Variants in PLEKHA8 observed in about 807,000 individuals in gnomAD.
PLEKHA8 encodes pleckstrin homology domain-containing family A member 8.
In PLEKHA8, 36 loss-of-function variants were observed where a neutral mutation model predicts 68.2. The ratio of observed to expected loss-of-function variants is 0.53; its 90% CI spans 0.40 to 0.70. The LOEUF (loss-of-function observed/expected upper bound fraction) is 0.70. Ranked by LOEUF, PLEKHA8 falls within the 30% of genes least tolerant of loss-of-function variation. PLEKHA8 has a pLI of 0.00. For synonymous variants in PLEKHA8, 211 were observed against 216.1 expected (o/e 0.98, Z 0.20); for missense variants, 505 against 615.4 (o/e 0.82, Z 1.90).
At chr7:30,049,434 A>T (rs1257703679) in intron 5 of PLEKHA8, 52 bp downstream of exon 5, 1 of 1,592,328 alleles carries the variant, frequency 6.3e-7, no homozygotes, top group Non-Finnish European at 8.6e-7. Context: ...AAAGTTTCAA[A>T]GTTTATAGTG....
chr7:30,028,802 G>C lies in PLEKHA8; in HGVS notation c.40G>C (p.Gly14Arg). Residue 14 changes from glycine (G) to arginine (R), a missense_variant and splice_region_variant, in exon 1 of 14, where the codon GGT (glycine) becomes CGT (arginine). Physicochemically the swap from Gly to Arg is moderately radical, Grantham distance 125 (BLOSUM62 -2). Coordinates refer to ENST00000449726, the MANE Select transcript of PLEKHA8 (RefSeq NM_001197026.2). ...VLYKWTNYLS[G>R]WQPRWFLLCG... The stretch of plus-strand genomic sequence containing the variant: ...GTACAAGTGGACCAACTATCTGAGC[G>C]GTGAGTGGCCGTGCCGGGCCGGGGG... 7.9e-7 allele frequency: 1 copy of C among 1,270,320 alleles called. No homozygotes were observed. The highest frequency in any genetic ancestry group is 1.0e-6 in the Non-Finnish European group (1 of 1,002,348). 78.7% of individuals were successfully genotyped at this position (1,270,320 alleles called of 1,614,324 possible). A position where few individuals can be genotyped will look rare whatever the true frequency, so the allele number is the denominator to read the frequency against.
At chr7:30,065,976 G>A (rs573969892) in intron 12 of PLEKHA8, among the ~76,000 whole-genome samples, 22 of 152,292 alleles carry the variant, frequency 1.4e-4, no homozygotes, top group African/African-American at 4.8e-4. Flanking sequence ...CTGGCAGTCC[G>A]TGTTTTAACA....
At chr7:30,059,330 C>G (rs998458344) in intron 9 of PLEKHA8, among the ~76,000 whole-genome samples, 1 of 152,114 alleles carries the variant, frequency 6.6e-6, no homozygotes, top group Non-Finnish European at 1.5e-5. Context: ...CATGTACATG[C>G]AAATTATGTT....
At chr7:30,122,540 A>G (rs971122069) in intron 13 of PLEKHA8, among the ~76,000 whole-genome samples, 1 of 152,208 alleles carries the variant, frequency 6.6e-6, no homozygotes, top group African/African-American at 2.4e-5. Context: ...TGAAATAAAT[A>G]CCTTTTGCAG....
chr7:30,042,104 CAG>C (rs941477228), intron 1 of PLEKHA8, among the ~76,000 whole-genome samples: 25 of 152,288 alleles, frequency 1.6e-4, no homozygotes, highest in Non-Finnish European at 3.2e-4. Flanking sequence ...GACTGAGTAA[CAG>C]AGAATTCCTC....
chr7:30,082,201 T>A lies in PLEKHA8; in HGVS notation c.*3414T>A, dbSNP rs1183673716. The stretch of plus-strand genomic sequence containing the variant: ...TTGCATGTTATTCTGATTATTAAAC[T>A]TCCCCCAATGTCATATTCCATGATG... On this transcript the variant is annotated 3_prime_UTR_variant, in exon 14 of 14. Transcript: ENST00000449726. 1 of 985,266 alleles carries A rather than the reference T, an allele frequency of 1.0e-6. No homozygotes were observed. The highest frequency in any genetic ancestry group is 1.1e-4 in the East Asian group (1 of 8,834). 61.0% of individuals were successfully genotyped at this position (985,266 alleles called of 1,614,324 possible).
chr7:30,062,656 C>G lies in PLEKHA8; in HGVS notation c.1230-16C>G, dbSNP rs1410605547. 6.3e-7 allele frequency: 1 copy of G among 1,576,590 alleles called. No homozygotes were observed. The highest frequency in any genetic ancestry group is 8.7e-7 in the Non-Finnish European group (1 of 1,146,562). ...TGAACTTTGAAAATAATATTTCTTCCTTTATTTTGTTTTAGAGGTCTCAAA... is the reference window on the plus strand; with the variant it reads ...TGAACTTTGAAAATAATATTTCTTCGTTTATTTTGTTTTAGAGGTCTCAAA... On this transcript the variant is annotated splice_polypyrimidine_tract_variant and intron_variant, in intron 11 of 13. Coordinates refer to ENST00000449726, the MANE Select transcript of PLEKHA8 (RefSeq NM_001197026.2).
intron 13 of PLEKHA8, among the ~76,000 whole-genome samples, chr7:30,111,222 G>C (rs1221106069): frequency 6.6e-6 from 1 of 151,886 alleles, no homozygotes; most frequent in East Asian, 1.9e-4. Flanking sequence ...AGTTTTAAGA[G>C]TTCTTTATAT....
At chr7:30,116,241 T>C (rs965111599) in intron 13 of PLEKHA8, among the ~76,000 whole-genome samples, 3 of 141,254 alleles carry the variant, frequency 2.1e-5, no homozygotes, top group Non-Finnish European at 4.4e-5. Context: ...CATGTATGCG[T>C]ATACATGTAC....
downstream of PLEKHA8, among the ~76,000 whole-genome samples, chr7:30,085,332 T>A (rs370012427): frequency 1.3e-4 from 20 of 152,304 alleles, no homozygotes; most frequent in East Asian, 1.4e-3. Context: ...GCCCTGGGTG[T>A]TTTAAGCATT....
downstream of PLEKHA8, chr7:30,130,124 G>A (rs1796849006): frequency 1.3e-5 from 2 of 152,236 alleles, no homozygotes; most frequent in African/African-American, 4.8e-5. Context: ...CTTCGTAGGA[G>A]ATCTGGTGTA....
chr7:30,116,991 T>G lies in PLEKHA8; in HGVS notation c.1363-12275T>G, dbSNP rs140066833. On this transcript the variant is annotated intron_variant, in intron 13 of 13. Transcript: ENST00000396257. Reference sequence around the variant, plus strand: ...TTGGCTTCAGGAGAGTGGGTGTGTGTTTCACTTGGTCTTGCAAATGTAGGT... The same window carrying G: ...TTGGCTTCAGGAGAGTGGGTGTGTGGTTCACTTGGTCTTGCAAATGTAGGT... Among the ~76,000 whole-genome samples, 75 of 152,320 alleles carry G rather than the reference T, an allele frequency of 4.9e-4. 1 individual carries two copies. Among genetic ancestry groups the G allele is most frequent in the Middle Eastern group, 3.4e-3 (1 of 292 alleles).
chr7:30,062,832 G>T, intron 12 of PLEKHA8, 90 bp downstream of exon 12: 1 of 915,324 alleles, frequency 1.1e-6, no homozygotes, highest in Non-Finnish European at 1.6e-6. Context: ...GGATATTTCT[G>T]CTTTTCAGAA....
intron 13 of PLEKHA8, among the ~76,000 whole-genome samples, chr7:30,103,710 C>T (rs1418776092): frequency 6.6e-6 from 1 of 152,222 alleles, no homozygotes; most frequent in Non-Finnish European, 1.5e-5. Context: ...AACTGCTTAT[C>T]TCTATGGAAA....
rs1790389725 is a variant in PLEKHA8, at chr7:30,028,614, C to CGGGCCGGGCGTCCCCACACCG, written c.-146_-126dup. ...CCGCCCCCGGGCCGAGGATGTGAGG[C>CGGGCCGGGCGTCCCCACACCG]GGGCCGGGCGTCCCCACACCGGGCC... On this transcript the variant is annotated 5_prime_UTR_variant, in exon 1 of 14. Coordinates refer to ENST00000449726, the MANE Select transcript of PLEKHA8 (RefSeq NM_001197026.2). The CGGGCCGGGCGTCCCCACACCG allele has an allele frequency of 2.0e-6, 1 of 493,454 alleles. No individual in the cohort carries two copies. Among genetic ancestry groups the CGGGCCGGGCGTCCCCACACCG allele is most frequent in the African/African-American group, 2.0e-5 (1 of 49,982 alleles). The allele number at this position is 493,454 out of a possible 1,614,324, so 30.6% of individuals were successfully genotyped here. A position where few individuals can be genotyped will look rare whatever the true frequency, so the allele number is the denominator to read the frequency against.
chr7:30,089,624 A>T (rs1375434406), downstream of PLEKHA8, among the ~76,000 whole-genome samples: 2 of 152,210 alleles, frequency 1.3e-5, no homozygotes, highest in African/African-American at 4.8e-5. Flanking sequence ...AAATGTAAGG[A>T]AGATGGCCTG....
At chr7:30,058,471 C>CATTTT (rs1562872519) in intron 9 of PLEKHA8, among the ~76,000 whole-genome samples, 1 of 125,250 alleles carries the variant, frequency 8.0e-6, no homozygotes, top group African/African-American at 2.9e-5. Context: ...AGTTGAGGTT[C>CATTTT]TTTTTTTTTT....
At chr7:30,124,996 T>C (rs1307881629) in intron 13 of PLEKHA8, among the ~76,000 whole-genome samples, 1 of 152,134 alleles carries the variant, frequency 6.6e-6, no homozygotes, top group African/African-American at 2.4e-5. Flanking sequence ...TTTTTTAACC[T>C]TTTTTATGAT....
intron 5 of PLEKHA8, 125 bp downstream of exon 5, chr7:30,049,507 A>G (rs1202072272): frequency 1.9e-5 from 24 of 1,275,904 alleles, no homozygotes; most frequent in Admixed American, 2.9e-5. Flanking sequence ...ACTTTGCTCT[A>G]CGTCCTTTTT....
Sources: gnomAD v4.1 joint callset for allele counts (sites outside exome capture counted in the v4.1 genomes callset) on GRCh38, gnomAD v4.1.1 for gene constraint, MANE v1.5 for transcripts, NCBI Gene and HGNC (gene_info 2026-07-23, HGNC 2026-07-21) for gene names.